EIF4G3: variants seen among roughly 807,000 people sequenced by gnomAD.
EIF4G3 encodes eukaryotic translation initiation factor 4 gamma 3.
Under a neutral mutation model 186.4 loss-of-function variants are expected in EIF4G3, and 34 were observed. That is an observed-to-expected ratio of 0.18 (90% CI 0.14 to 0.24). EIF4G3 has a LOEUF of 0.24. EIF4G3 is among the 10% of genes least tolerant of loss of function. The pLI, the probability that EIF4G3 is intolerant of heterozygous loss-of-function variation, is 1.00. For synonymous variants in EIF4G3, 673 were observed against 679.5 expected (o/e 0.99, Z 0.15); for missense variants, 1,536 against 1,948.5 (o/e 0.79, Z 3.99).
chr1:20,893,708 T>C, intron 17 of EIF4G3, 72 bp from the exon 18 acceptor site: 1 of 1,423,246 alleles, frequency 7.0e-7, no homozygotes, highest in East Asian at 2.5e-5. Context: ...TAACAAAAAT[T>C]TTTACTGAAA....
intron 12 of EIF4G3, among the ~76,000 whole-genome samples, chr1:20,963,489 A>G (rs996554203): frequency 2.0e-5 from 3 of 152,096 alleles, no homozygotes; most frequent in Admixed American, 6.5e-5. Flanking sequence ...GGTAGGAGAG[A>G]TTGTATCTTT....
chr1:21,022,094 A>G (rs767431690), intron 4 of EIF4G3, among the ~76,000 whole-genome samples: 1 of 152,212 alleles, frequency 6.6e-6, no homozygotes, highest in African/African-American at 2.4e-5. Flanking sequence ...CCGAAAATGC[A>G]TATCTGTCCA....
intron 2 of EIF4G3, chr1:21,174,848 C>A (rs1046059746): frequency 6.6e-6 from 1 of 152,214 alleles, no homozygotes; most frequent in Admixed American, 6.5e-5. Context: ...TATCTTTACA[C>A]TGCACCGCGG....
chr1:20,937,998 G>T (rs1437723662), intron 14 of EIF4G3, among the ~76,000 whole-genome samples: 1 of 138,686 alleles, frequency 7.2e-6, no homozygotes, highest in African/African-American at 2.5e-5. Context: ...AACAACTGAT[G>T]CTTTCTTTTT....
At chr1:21,004,310 T>C (rs771704356) in intron 4 of EIF4G3, among the ~76,000 whole-genome samples, 1 of 152,158 alleles carries the variant, frequency 6.6e-6, no homozygotes, top group Non-Finnish European at 1.5e-5. Flanking sequence ...GATAAAAACA[T>C]AAGCTTTTCA....
chr1:21,073,885 C>T (rs2095512366), intron 3 of EIF4G3: 1 of 230,120 alleles, frequency 4.3e-6, no homozygotes, highest in Non-Finnish European at 9.1e-6. Context: ...TGGCTCACTG[C>T]AGCCTTGACC....
At chr1:21,125,606 C>A (rs2097017718) in intron 2 of EIF4G3, among the ~76,000 whole-genome samples, 1 of 151,954 alleles carries the variant, frequency 6.6e-6, no homozygotes, top group Non-Finnish European at 1.5e-5. Context: ...GTAATCCCAG[C>A]TACTTGGGAG....
chr1:21,055,431 T>C (rs1052740864), intron 3 of EIF4G3, among the ~76,000 whole-genome samples: 2 of 152,104 alleles, frequency 1.3e-5, no homozygotes, highest in Admixed American at 1.3e-4. Flanking sequence ...TAAAATACTA[T>C]TGATAAAAAA....
chr1:21,060,942 G>A (rs1031633783), intron 3 of EIF4G3, among the ~76,000 whole-genome samples: 6 of 152,164 alleles, frequency 3.9e-5, no homozygotes, highest in African/African-American at 1.4e-4. Context: ...TATATTTATT[G>A]AGAACTTTAT....
intron 2 of EIF4G3, among the ~76,000 whole-genome samples, chr1:21,105,070 G>A (rs143518177): frequency 6.6e-6 from 1 of 152,320 alleles, no homozygotes; most frequent in African/African-American, 2.4e-5. Flanking sequence ...AAGTGTGAGT[G>A]GAGAGTGAGG....
At chr1:21,170,821 C>T (rs948404371) in intron 2 of EIF4G3, among the ~76,000 whole-genome samples, 3 of 151,874 alleles carry the variant, frequency 2.0e-5, no homozygotes, top group African/African-American at 7.3e-5. Flanking sequence ...AAATCCATCT[C>T]TACTAAAAAT....
intron 20 of EIF4G3, among the ~76,000 whole-genome samples, chr1:20,866,732 T>A (rs183920621): frequency 6.6e-6 from 1 of 152,142 alleles, no homozygotes; most frequent in African/African-American, 2.4e-5. Context: ...CAAAAGCAGG[T>A]TGGCATACAA....
chr1:20,893,366 TTAATA>T lies in EIF4G3; in HGVS notation c.2253+146_2253+150del, dbSNP rs969727852. Reference sequence around the variant, plus strand: ...AACTCAAGTGTATTCTTTATCTGCTTTAATATGAGTATGGAAAGGATAGTCTTTGC... The same window carrying T: ...AACTCAAGTGTATTCTTTATCTGCTTTGAGTATGGAAAGGATAGTCTTTGC... On this transcript the variant is annotated intron_variant, in intron 18 of 36. Coordinates refer to ENST00000602326, the MANE Select transcript of EIF4G3 (RefSeq NM_001391906.1). 5 of 763,640 alleles carry T rather than the reference TTAATA, an allele frequency of 6.5e-6. No individual in the cohort carries two copies. In the African/African-American group the frequency reaches 7.1e-5, roughly 11 times the overall value. The allele number at this position is 763,640 out of a possible 1,614,324, so 47.3% of individuals were successfully genotyped here.
Position 20,969,471 on chromosome 1 carries a change from T to G in EIF4G3, c.714+3A>C. ...CCATCCATTACAGCTCACTCTGTCT[T>G]ACCTGAGGAGGAGTAGGTGTGGACG... On this transcript the variant is annotated splice_donor_region_variant and intron_variant, in intron 12 of 36. Coordinates refer to ENST00000602326, the MANE Select transcript of EIF4G3 (RefSeq NM_001391906.1). 1 of 1,613,706 alleles carries G rather than the reference T, an allele frequency of 6.2e-7. No individual in the cohort carries two copies. The highest frequency in any genetic ancestry group is 8.5e-7 in the Non-Finnish European group (1 of 1,179,696).
intron 15 of EIF4G3, among the ~76,000 whole-genome samples, chr1:20,901,422 A>C (rs1473668041): frequency 2.6e-5 from 4 of 152,186 alleles, no homozygotes; most frequent in Admixed American, 6.5e-5. Flanking sequence ...AATGGTATTT[A>C]AACTTATTAA....
intron 4 of EIF4G3, among the ~76,000 whole-genome samples, chr1:21,022,925 G>A (rs552738618): frequency 1.7e-4 from 26 of 152,212 alleles, no homozygotes; most frequent in African/African-American, 6.3e-4. Context: ...TGAATAACAA[G>A]CTTTAAAGCA....
chr1:20,924,090 C>T (rs1007351655), intron 14 of EIF4G3, among the ~76,000 whole-genome samples: 6 of 152,010 alleles, frequency 3.9e-5, no homozygotes, highest in African/African-American at 7.2e-5. Flanking sequence ...TCTTGGTTTT[C>T]CATGACAGTT....
intron 29 of EIF4G3, among the ~76,000 whole-genome samples, chr1:20,842,859 T>A (rs1360699319): frequency 3.3e-5 from 5 of 150,992 alleles, no homozygotes; most frequent in Admixed American, 2.0e-4. Flanking sequence ...TTTTTTTTTT[T>A]AAAGAGAGAA....
intron 30 of EIF4G3, among the ~76,000 whole-genome samples, chr1:20,837,092 C>T (rs1338821555): frequency 6.6e-6 from 1 of 152,150 alleles, no homozygotes; most frequent in African/African-American, 2.4e-5. Flanking sequence ...TTCATAAAGC[C>T]TATTTGAAAC....
Sources: gnomAD v4.1 joint callset for allele counts (sites outside exome capture counted in the v4.1 genomes callset) on GRCh38, gnomAD v4.1.1 for gene constraint, MANE v1.5 for transcripts, NCBI Gene and HGNC (gene_info 2026-07-23, HGNC 2026-07-21) for gene names.